ANGPT2: variants seen among roughly 807,000 people sequenced by gnomAD.
ANGPT2 encodes angiopoietin 2, also known as angiopoietin-2.
Under a neutral mutation model 62.9 loss-of-function variants are expected in ANGPT2, and 28 were observed. The ratio of observed to expected loss-of-function variants is 0.44; its 90% CI spans 0.33 to 0.61. The LOEUF is 0.61. Ranked by LOEUF, ANGPT2 falls within the 20% of genes least tolerant of loss-of-function variation. The pLI, the probability that ANGPT2 is intolerant of heterozygous loss-of-function variation, is 0.03. For missense variants in ANGPT2, 727 were observed against 594.9 expected (o/e 1.22, Z -2.31); for synonymous variants, 284 against 207.8 (o/e 1.37, Z -3.15).
intron 1 of ANGPT2, among the ~76,000 whole-genome samples, chr8:6,543,914 A>ACAGATTAT (rs1424887742): frequency 6.6e-6 from 1 of 152,126 alleles, no homozygotes; most frequent in African/African-American, 2.4e-5. Context: ...TATAACTCAC[A>ACAGATTAT]TTAGAAACAC....
At chr8:6,540,269 A>C (rs981673092) in intron 1 of ANGPT2, among the ~76,000 whole-genome samples, 1 of 152,210 alleles carries the variant, frequency 6.6e-6, no homozygotes, top group Admixed American at 6.5e-5. Flanking sequence ...CACTACTCCA[A>C]AATTTGATAA....
intron 7 of ANGPT2, 42 bp downstream of exon 7, chr8:6,513,636 A>G: frequency 6.4e-7 from 1 of 1,574,534 alleles, no homozygotes. Flanking sequence ...CCCGGCCACA[A>G]ATCTTTTAAT....
At chr8:6,510,907 C>G (rs1722045442) in intron 7 of ANGPT2, among the ~76,000 whole-genome samples, 1 of 152,202 alleles carries the variant, frequency 6.6e-6, no homozygotes, top group Non-Finnish European at 1.5e-5. Flanking sequence ...AAAAGTGAGA[C>G]TGGCCGTAGC....
Position 6,562,988 on chromosome 8 carries a change from CCA to C in ANGPT2, c.-56_-55del. On this transcript the variant is annotated 5_prime_UTR_variant, in exon 1 of 9. Coordinates refer to ENST00000629816, the MANE Select transcript of ANGPT2 (RefSeq NM_001118887.2). ...AGCAAACTTGAGGGCAAACACACGT[CCA>C]GAGTCCCGAGCTGCTGCCGTCTAAA... 7 of 1,532,148 alleles carry C rather than the reference CCA, an allele frequency of 4.6e-6. No individual in the cohort carries two copies. The highest frequency in any genetic ancestry group is 1.3e-5 in the South Asian group (1 of 79,304). The allele number at this position is 1,532,148 out of a possible 1,614,324, so 94.9% of individuals were successfully genotyped here. A position where few individuals can be genotyped will look rare whatever the true frequency, so the allele number is the denominator to read the frequency against.
intron 7 of ANGPT2, 127 bp from the exon 8 acceptor site, chr8:6,509,189 T>C: frequency 8.3e-7 from 1 of 1,202,966 alleles, no homozygotes; most frequent in Non-Finnish European, 1.1e-6. Context: ...GACTAATGCA[T>C]ACTCTGGACA....
chr8:6,513,637 A>C (rs756919433), intron 7 of ANGPT2, 41 bp downstream of exon 7: 4 of 1,576,102 alleles, frequency 2.5e-6, no homozygotes, highest in Non-Finnish European at 2.6e-6. Flanking sequence ...CCGGCCACAA[A>C]TCTTTTAATT....
chr8:6,562,552 CTT>C (rs55804146), intron 1 of ANGPT2, 93 bp downstream of exon 1: 1,379 of 73,714 alleles, frequency 0.019, 2 homozygotes, highest in Middle Eastern at 0.059. Flanking sequence ...CATCCTCCTT[CTT>C]TTTTTTTTTT....
intron 5 of ANGPT2, among the ~76,000 whole-genome samples, chr8:6,517,391 C>T (rs1472216114): frequency 2.0e-5 from 3 of 152,118 alleles, no homozygotes; most frequent in Non-Finnish European, 1.5e-5. Context: ...GTCAGGTGTC[C>T]TGTGAAATTT....
intron 1 of ANGPT2, among the ~76,000 whole-genome samples, chr8:6,546,770 C>T (rs539268823): frequency 6.6e-6 from 1 of 152,318 alleles, no homozygotes; most frequent in South Asian, 2.1e-4. Flanking sequence ...AACGTACCCT[C>T]TTCCTCCCCT....
chr8:6,545,575 G>C (rs1003660887), intron 1 of ANGPT2, among the ~76,000 whole-genome samples: 2 of 152,178 alleles, frequency 1.3e-5, no homozygotes, highest in Non-Finnish European at 2.9e-5. Context: ...TCTGATGAGG[G>C]TTAAAATGTA....
chr8:6,544,923 T>C (rs968852974), intron 1 of ANGPT2, among the ~76,000 whole-genome samples: 18 of 152,248 alleles, frequency 1.2e-4, no homozygotes, highest in African/African-American at 4.1e-4. Flanking sequence ...ACTAGTTTTG[T>C]TCTCACAATG....
intron 7 of ANGPT2, among the ~76,000 whole-genome samples, chr8:6,511,397 G>C (rs981126172): frequency 6.6e-6 from 1 of 152,054 alleles, no homozygotes; most frequent in Non-Finnish European, 1.5e-5. Context: ...ATATAAAACT[G>C]CCAGAATGTG....
chr8:6,525,158 T>C (rs1479983486), intron 3 of ANGPT2, among the ~76,000 whole-genome samples: 2 of 152,240 alleles, frequency 1.3e-5, no homozygotes, highest in African/African-American at 4.8e-5. Flanking sequence ...TGGCTACCCA[T>C]TACATATCTC....
rs1009962594 is a variant in ANGPT2, at chr8:6,510,242, G to C, written c.1197-1180C>G. 1.3e-4 allele frequency among the ~76,000 whole-genome samples: 20 copies of C among 151,660 alleles called. 1 individual carries two copies. The highest frequency in any genetic ancestry group is 1.5e-5 in the Non-Finnish European group (1 of 67,968). On this transcript the variant is annotated intron_variant, in intron 7 of 8. Transcript: ENST00000629816. ...TTGGCAGATGGTTCAGGACAGATCAGAGCAGGCATTCACGTAATGGGGTAT... is the reference window on the plus strand; with the variant it reads ...TTGGCAGATGGTTCAGGACAGATCACAGCAGGCATTCACGTAATGGGGTAT...
intron 7 of ANGPT2, 93 bp downstream of exon 7, chr8:6,513,585 G>A (rs571955053): frequency 4.0e-5 from 39 of 968,950 alleles, no homozygotes; most frequent in East Asian, 2.2e-4. Flanking sequence ...TGCCCACCTC[G>A]GCCTCCCAAA....
intron 1 of ANGPT2, among the ~76,000 whole-genome samples, chr8:6,538,008 A>G (rs543836654): frequency 6.6e-6 from 1 of 152,304 alleles, no homozygotes; most frequent in East Asian, 1.9e-4. Context: ...ATTTTCTGGT[A>G]AATTAACAAA....
intron 1 of ANGPT2, among the ~76,000 whole-genome samples, chr8:6,537,523 A>T (rs1820722622): frequency 6.6e-6 from 1 of 150,444 alleles, no homozygotes; most frequent in East Asian, 1.9e-4. Context: ...TCAAGCAACC[A>T]GGATGAAATA....
chr8:6,562,619 C>G (rs533029082), intron 1 of ANGPT2, 28 bp downstream of exon 1: 2 of 1,242,762 alleles, frequency 1.6e-6, no homozygotes, highest in Non-Finnish European at 2.1e-6. Flanking sequence ...ATAGCATGTT[C>G]ACAAAGACAG....
At chr8:6,551,338 A>T (rs983311818) in intron 1 of ANGPT2, among the ~76,000 whole-genome samples, 2 of 152,186 alleles carry the variant, frequency 1.3e-5, no homozygotes, top group African/African-American at 4.8e-5. Context: ...AATTCTATGC[A>T]TGTCAGCTGC....
Sources: allele counts gnomAD v4.1 joint callset (sites outside exome capture counted in the v4.1 genomes callset), GRCh38; gene constraint gnomAD v4.1.1; transcripts MANE v1.5; gene names NCBI Gene and HGNC (gene_info 2026-07-23, HGNC 2026-07-21).